VTI1A: variants seen among roughly 807,000 people sequenced by gnomAD.
VTI1A encodes the protein vesicle transport through interaction with t-SNAREs 1A, also known as vesicle transport through interaction with t-SNAREs homolog 1A.
In VTI1A, 22 loss-of-function variants were observed where a neutral mutation model predicts 34.9. The observed-to-expected ratio is 0.63, with a 90% CI of 0.45 to 0.90. The LOEUF is 0.90. VTI1A is among the 40% of genes least tolerant of loss of function. The pLI is 0.00. For missense variants in VTI1A, 268 were observed against 275.6 expected (o/e 0.97, Z 0.20); for synonymous variants, 87 against 97.3 (o/e 0.89, Z 0.62).
At chr10:112,689,450 A>T (rs1028285636) in intron 7 of VTI1A, among the ~76,000 whole-genome samples, 3 of 152,118 alleles carry the variant, frequency 2.0e-5, no homozygotes, top group African/African-American at 7.2e-5. Flanking sequence ...GTGGTTTTGG[A>T]GCTGACTCCA....
chr10:112,730,874 A>G (rs1190763485), intron 7 of VTI1A, among the ~76,000 whole-genome samples: 1 of 152,206 alleles, frequency 6.6e-6, no homozygotes, highest in East Asian at 1.9e-4. Context: ...TGTGAGATAT[A>G]TTTTATAATA....
At chr10:112,625,887 A>C (rs1281019129) in intron 5 of VTI1A, among the ~76,000 whole-genome samples, 1 of 152,132 alleles carries the variant, frequency 6.6e-6, no homozygotes, top group Non-Finnish European at 1.5e-5. Flanking sequence ...TACAGAAATA[A>C]AAAATTAAAA....
At chr10:112,700,313 G>A (rs1320876590) in intron 7 of VTI1A, among the ~76,000 whole-genome samples, 1 of 152,054 alleles carries the variant, frequency 6.6e-6, no homozygotes, top group African/African-American at 2.4e-5. Context: ...TATGTCACAA[G>A]GGTAAGTACT....
intron 3 of VTI1A, among the ~76,000 whole-genome samples, chr10:112,511,312 C>T (rs1365164609): frequency 1.3e-5 from 2 of 149,948 alleles, no homozygotes; most frequent in Non-Finnish European, 3.0e-5. Context: ...GGCATGATCT[C>T]GGCTCACTGC....
At chr10:112,460,450 AT>A (rs1847694269) in intron 1 of VTI1A, 73 bp from the exon 2 acceptor site, 1 of 1,344,318 alleles carries the variant, frequency 7.4e-7, no homozygotes, top group African/African-American at 1.5e-5. Flanking sequence ...AAAAAGGCAT[AT>A]AAAAATTGAA....
intron 5 of VTI1A, among the ~76,000 whole-genome samples, chr10:112,576,590 TG>T (rs1294668304): frequency 6.6e-6 from 1 of 152,212 alleles, no homozygotes; most frequent in African/African-American, 2.4e-5. Flanking sequence ...AAGAGTATCT[TG>T]GGGTGGGATG....
At chr10:112,497,017 T>C (rs1394704372) in intron 3 of VTI1A, among the ~76,000 whole-genome samples, 1 of 152,154 alleles carries the variant, frequency 6.6e-6, no homozygotes, top group Non-Finnish European at 1.5e-5. Flanking sequence ...ACTAGATTGA[T>C]TATTATAAAG....
chr10:112,626,471 G>A (rs1337899283), intron 5 of VTI1A, among the ~76,000 whole-genome samples: 2 of 151,942 alleles, frequency 1.3e-5, no homozygotes, highest in Non-Finnish European at 2.9e-5. Flanking sequence ...GAATTAATCT[G>A]TACTAATGAA....
At chr10:112,757,514 T>C (rs760976573) in intron 7 of VTI1A, among the ~76,000 whole-genome samples, 1 of 151,630 alleles carries the variant, frequency 6.6e-6, no homozygotes, top group Non-Finnish European at 1.5e-5. Context: ...CCTCCTGAGT[T>C]ACTGGGAATA....
At chr10:112,584,611 A>G (rs1167456100) in intron 5 of VTI1A, among the ~76,000 whole-genome samples, 1 of 152,196 alleles carries the variant, frequency 6.6e-6, no homozygotes, top group Non-Finnish European at 1.5e-5. Flanking sequence ...TTCTGACCCA[A>G]TTCAAATTGT....
At chr10:112,700,461 A>G (rs1448128127) in intron 7 of VTI1A, among the ~76,000 whole-genome samples, 2 of 147,042 alleles carry the variant, frequency 1.4e-5, no homozygotes, top group Non-Finnish European at 3.1e-5. Context: ...GCACTTTCTA[A>G]TCAATCATCT....
At position 112,547,438 on chromosome 10, in the gene VTI1A, G is replaced by T. The variant is rs1028079197; in HGVS notation, c.427+9108G>T. ...TTAAAAATACAAAAATTAGTTGGGC[G>T]TGGTGGTTACATGCATGTAATCCCA... On this transcript the variant is annotated intron_variant, in intron 5 of 7. Coordinates refer to ENST00000393077, the MANE Select transcript of VTI1A (RefSeq NM_145206.4). Among the ~76,000 whole-genome samples, 4 of 151,836 alleles carry T rather than the reference G, an allele frequency of 2.6e-5. No individual in the cohort carries two copies. In the East Asian group the frequency reaches 7.8e-4, roughly 29 times the overall value.
intron 7 of VTI1A, among the ~76,000 whole-genome samples, chr10:112,696,678 T>C (rs1848802199): frequency 6.6e-6 from 1 of 152,222 alleles, no homozygotes; most frequent in Non-Finnish European, 1.5e-5. Flanking sequence ...TTTCTTAATT[T>C]GGGCTGAGTC....
At chr10:112,775,926 A>T (rs1851943735) in intron 7 of VTI1A, among the ~76,000 whole-genome samples, 1 of 152,182 alleles carries the variant, frequency 6.6e-6, no homozygotes, top group South Asian at 2.1e-4. Flanking sequence ...GAAAGAATAA[A>T]CAGTTCCTTG....
chr10:112,450,414 T>C (rs1018677470), intron 1 of VTI1A: 8 of 152,212 alleles, frequency 5.3e-5, no homozygotes, highest in Admixed American at 5.2e-4. Context: ...CTGGCCATCA[T>C]TGGCGAGTGC....
At chr10:112,779,807 G>C (rs1048196814) in intron 7 of VTI1A, among the ~76,000 whole-genome samples, 1 of 152,162 alleles carries the variant, frequency 6.6e-6, no homozygotes, top group Non-Finnish European at 1.5e-5. Context: ...AGATTGGCGA[G>C]AGAAGAAATT....
the VTI1A span, among the ~76,000 whole-genome samples, chr10:112,837,284 G>A: frequency 1.8e-4 from 27 of 152,186 alleles, no homozygotes; most frequent in African/African-American, 2.4e-4. Flanking sequence ...CCAAGATTGC[G>A]CCACTGCACT....
intron 7 of VTI1A, among the ~76,000 whole-genome samples, chr10:112,790,923 C>T (rs955308932): frequency 2.0e-5 from 3 of 152,146 alleles, no homozygotes; most frequent in East Asian, 3.8e-4. Context: ...TGAAAGACCT[C>T]ATCTTTGCGG....
At chr10:112,851,047 A>G in the VTI1A span, among the ~76,000 whole-genome samples, 1 of 152,054 alleles carries the variant, frequency 6.6e-6, no homozygotes, top group African/African-American at 2.4e-5. Context: ...TTCCTTCCGA[A>G]CTCTGCTTTC....
Sources: allele counts gnomAD v4.1 joint callset (sites outside exome capture counted in the v4.1 genomes callset), GRCh38; gene constraint gnomAD v4.1.1; transcripts MANE v1.5; gene names NCBI Gene and HGNC (gene_info 2026-07-23, HGNC 2026-07-21).